ST6GALNAC5: variants seen among roughly 807,000 people sequenced by gnomAD.
ST6GALNAC5 encodes alpha-N-acetylgalactosaminide alpha-2,6-sialyltransferase 5.
A neutral mutation model predicts 33.6 loss-of-function variants in ST6GALNAC5; 27 were observed. That is an observed-to-expected ratio of 0.80 (90% CI 0.59 to 1.11). The LOEUF (loss-of-function observed/expected upper bound fraction) is 1.11, where lower values mean the gene tolerates loss of function less well. Among genes scored for constraint, ST6GALNAC5 ranks in the 50% least tolerant of loss-of-function variants. The pLI, the probability that ST6GALNAC5 is intolerant of heterozygous loss-of-function variation, is 0.00. For synonymous variants in ST6GALNAC5, 194 were observed against 171.2 expected (o/e 1.13, Z -1.04); for missense variants, 428 against 454.0 (o/e 0.94, Z 0.52).
intron 2 of ST6GALNAC5, chr1:76,869,184 G>C (rs74089796): frequency 0.02 from 3,788 of 186,298 alleles, 156 homozygotes; most frequent in African/African-American, 0.086. Context: ...GCCACTGCTC[G>C]GGATCCAGCG....
chr1:76,949,386 C>T, intron 2 of ST6GALNAC5, among the ~76,000 whole-genome samples: 1 of 152,104 alleles, frequency 6.6e-6, no homozygotes, highest in Non-Finnish European at 1.5e-5. Flanking sequence ...ATGTTCCTTG[C>T]TGGCAGTGGC....
chr1:76,975,689 T>C (rs1485957889), intron 2 of ST6GALNAC5, among the ~76,000 whole-genome samples: 1 of 152,240 alleles, frequency 6.6e-6, no homozygotes, highest in Non-Finnish European at 1.5e-5. Flanking sequence ...TACTGTGTGA[T>C]ATGATTTGCA....
At chr1:76,985,020 T>C (rs1360049690) in intron 2 of ST6GALNAC5, among the ~76,000 whole-genome samples, 4 of 152,134 alleles carry the variant, frequency 2.6e-5, no homozygotes, top group African/African-American at 9.7e-5. Context: ...TATCTCAAAA[T>C]AATAAGAACT....
At chr1:76,893,503 G>C (rs994101783) in intron 2 of ST6GALNAC5, among the ~76,000 whole-genome samples, 2 of 152,170 alleles carry the variant, frequency 1.3e-5, no homozygotes, top group Admixed American at 1.3e-4. Flanking sequence ...GCTGTATAAT[G>C]TGTAAGGAGT....
chr1:76,925,711 T>A (rs966322691), intron 2 of ST6GALNAC5, among the ~76,000 whole-genome samples: 9 of 152,230 alleles, frequency 5.9e-5, no homozygotes, highest in African/African-American at 2.2e-4. Context: ...GAGATTCTAA[T>A]TTTTTCAGGT....
chr1:76,932,158 A>C (rs1358615715), intron 2 of ST6GALNAC5, among the ~76,000 whole-genome samples: 1 of 152,132 alleles, frequency 6.6e-6, no homozygotes, highest in Non-Finnish European at 1.5e-5. Flanking sequence ...CTAAGGAAAG[A>C]GTTTTCCTTA....
chr1:76,953,224 G>C (rs1023287887), intron 2 of ST6GALNAC5, among the ~76,000 whole-genome samples: 1 of 151,974 alleles, frequency 6.6e-6, no homozygotes, highest in Admixed American at 6.6e-5. Flanking sequence ...CTGATTGCTG[G>C]GACCTATGAT....
At chr1:77,026,032 G>A (rs1054954372) in intron 2 of ST6GALNAC5, among the ~76,000 whole-genome samples, 1 of 152,238 alleles carries the variant, frequency 6.6e-6, no homozygotes, top group Non-Finnish European at 1.5e-5. Flanking sequence ...GGAACTGACT[G>A]TAAGTTCTAA....
chr1:76,941,321 CA>C (rs1647330039), intron 2 of ST6GALNAC5, among the ~76,000 whole-genome samples: 1 of 152,074 alleles, frequency 6.6e-6, no homozygotes, highest in Non-Finnish European at 1.5e-5. Flanking sequence ...ACCTTTTTAT[CA>C]TGTTTTTCTC....
chr1:76,878,552 G>A (rs1653702940), intron 2 of ST6GALNAC5, among the ~76,000 whole-genome samples: 1 of 152,104 alleles, frequency 6.6e-6, no homozygotes, highest in South Asian at 2.1e-4. Flanking sequence ...AGGTACCCTG[G>A]TAAAAGGCTG....
intron 2 of ST6GALNAC5, among the ~76,000 whole-genome samples, chr1:77,011,537 A>T (rs1303734181): frequency 2.0e-5 from 3 of 152,170 alleles, no homozygotes; most frequent in African/African-American, 7.2e-5. Context: ...ACAATCTCCC[A>T]TTGGTACTTT....
At position 77,064,416 on chromosome 1, in the gene ST6GALNAC5, TAC is replaced by T. The variant is rs3830822; in HGVS notation, c.*1230_*1231del. The T allele has an allele frequency of 0.59, 88,088 of 149,982 alleles. 28,533 individuals are homozygous for T. Among genetic ancestry groups the T allele is most frequent in the African/African-American group, 0.88 (36,087 of 40,910 alleles). 9.3% of individuals were successfully genotyped at this position (149,982 alleles called of 1,614,324 possible). A position where few individuals can be genotyped will look rare whatever the true frequency, so the allele number is the denominator to read the frequency against. On this transcript the variant is annotated 3_prime_UTR_variant, in exon 5 of 5. Transcript: ENST00000477717. Reference sequence around the variant, plus strand: ...AGCCTCTCAACACAAAAACACAGGATACACACACACACACACACACAAAAGAC... The same window carrying T: ...AGCCTCTCAACACAAAAACACAGGATACACACACACACACACACAAAAGAC...
chr1:76,996,437 G>A (rs1389869186), intron 2 of ST6GALNAC5, among the ~76,000 whole-genome samples: 2 of 152,216 alleles, frequency 1.3e-5, no homozygotes, highest in African/African-American at 4.8e-5. Flanking sequence ...ACAATCTAAT[G>A]CAGCATAGTG....
Position 77,007,779 on chromosome 1 carries a change from G to T in ST6GALNAC5, c.262-36425G>T, listed in dbSNP as rs1650479767. 1.3e-5 allele frequency among the ~76,000 whole-genome samples: 2 copies of T among 152,224 alleles called. 1 individual carries two copies. Among genetic ancestry groups the T allele is most frequent in the South Asian group, 4.1e-4 (2 of 4,826 alleles). ...CAGAAGTAACCGTGGCTTGCCGTAAGGGCAAAAGCCACAATTACTTTTGCA... is the reference window on the plus strand; with the variant it reads ...CAGAAGTAACCGTGGCTTGCCGTAATGGCAAAAGCCACAATTACTTTTGCA... On this transcript the variant is annotated intron_variant, in intron 2 of 4. Transcript: ENST00000477717.
At chr1:76,897,924 T>C (rs1043033181) in intron 2 of ST6GALNAC5, among the ~76,000 whole-genome samples, 15 of 152,064 alleles carry the variant, frequency 9.9e-5, no homozygotes, top group Non-Finnish European at 1.8e-4. Flanking sequence ...GTGGGTAGCC[T>C]CCATATTGAT....
At position 77,066,859 on chromosome 1, in the gene ST6GALNAC5, A is replaced by T. The variant is rs1331869077; in HGVS notation, c.*3653A>T. ...GTCTACAGTGTGCTCCTAAACCAGC[A>T]GTCTTTGGTGCTGTTAAGGTCTTCC... On this transcript the variant is annotated 3_prime_UTR_variant, in exon 5 of 5. Transcript: ENST00000477717. Among the ~76,000 whole-genome samples, 2 of 152,200 alleles carry T rather than the reference A, an allele frequency of 1.3e-5. No individual in the cohort carries two copies.
intron 2 of ST6GALNAC5, among the ~76,000 whole-genome samples, chr1:76,959,473 C>T (rs1382793451): frequency 2.0e-5 from 3 of 152,122 alleles, no homozygotes; most frequent in East Asian, 1.9e-4. Flanking sequence ...CACAATAGAA[C>T]ATAAGGAAAC....
chr1:76,879,212 T>C (rs1380414212), intron 2 of ST6GALNAC5, among the ~76,000 whole-genome samples: 1 of 152,160 alleles, frequency 6.6e-6, no homozygotes, highest in African/African-American at 2.4e-5. Flanking sequence ...AGCCTTTGGG[T>C]CCCTTCCTCT....
intron 2 of ST6GALNAC5, among the ~76,000 whole-genome samples, chr1:76,901,523 G>A (rs1483866770): frequency 2.0e-5 from 3 of 152,206 alleles, no homozygotes; most frequent in Non-Finnish European, 2.9e-5. Context: ...ATCAAACACT[G>A]TATCTGAGAA....
Sources: gnomAD v4.1 joint callset for allele counts (sites outside exome capture counted in the v4.1 genomes callset) on GRCh38, gnomAD v4.1.1 for gene constraint, MANE v1.5 for transcripts, NCBI Gene and HGNC (gene_info 2026-07-23, HGNC 2026-07-21) for gene names.